The following FAM178B variants were observed in gnomAD, a reference collection of about 807,000 sequenced individuals.
The protein encoded by FAM178B is family with sequence similarity 178 member B.
FAM178B carries 82 observed loss-of-function variants against 91.7 expected under a neutral mutation model. The ratio of observed to expected loss-of-function variants is 0.89; its 90% confidence interval spans 0.75 to 1.07. The LOEUF (loss-of-function observed/expected upper bound fraction) is 1.07, where lower values mean the gene tolerates loss of function less well. Among genes scored for constraint, FAM178B ranks in the 50% least tolerant of loss-of-function variants. The pLI is 0.00. For synonymous variants in FAM178B, 368 were observed against 359.4 expected (o/e 1.02, Z -0.27); for missense variants, 769 against 846.7 (o/e 0.91, Z 1.14).
chr2:96,968,307 C>T (rs1037552820), intron 4 of FAM178B, among the ~76,000 whole-genome samples: 7 of 151,996 alleles, frequency 4.6e-5, no homozygotes, highest in East Asian at 3.9e-4. Context: ...AGCCCCTGCG[C>T]GCCTCACTTC....
chr2:96,883,551 C>T (rs2153367541), intron 14 of FAM178B, among the ~76,000 whole-genome samples: 1 of 152,356 alleles, frequency 6.6e-6, no homozygotes, highest in African/African-American at 2.4e-5. Flanking sequence ...GGAAGGCAGA[C>T]CTGTTTCTGG....
chr2:96,945,462 A>G (rs970592883), intron 8 of FAM178B, among the ~76,000 whole-genome samples: 1 of 152,176 alleles, frequency 6.6e-6, no homozygotes, highest in African/African-American at 2.4e-5. Flanking sequence ...TGGTCACCAC[A>G]AACTCCAGGA....
rs748074678 is a variant in FAM178B at position 96,878,044 on chromosome 2, T to A, written c.1855-2A>T. ...CATGCACAGCAGCTGCAGCTCGCCC[T>A]GTGGAGGCGGAGGGAGGCCAAGAAG... On this transcript the variant is annotated splice_acceptor_variant, in intron 15 of 16. Transcript: ENST00000490605. LOFTEE classifies it high-confidence loss of function. 1.2e-6 allele frequency: 2 copies of A among 1,607,840 alleles called. No individual in the cohort carries two copies. Among genetic ancestry groups the A allele is most frequent in the East Asian group, 4.5e-5 (2 of 44,888 alleles).
chr2:96,973,161 T>C (rs1263102060), intron 1 of FAM178B, among the ~76,000 whole-genome samples: 3 of 150,416 alleles, frequency 2.0e-5, no homozygotes, highest in African/African-American at 7.3e-5. Flanking sequence ...TGACCCAAGA[T>C]GGTGCCACTG....
intron 12 of FAM178B, among the ~76,000 whole-genome samples, chr2:96,906,451 C>T (rs1259103632): frequency 6.6e-6 from 1 of 152,168 alleles, no homozygotes; most frequent in Non-Finnish European, 1.5e-5. Context: ...CCATTCCCCT[C>T]CATGCCTGAC....
At chr2:96,949,791 C>T (rs2081893691) in intron 7 of FAM178B, among the ~76,000 whole-genome samples, 1 of 152,226 alleles carries the variant, frequency 6.6e-6, no homozygotes, top group African/African-American at 2.4e-5. Flanking sequence ...CAGCGTGCCT[C>T]ACAGAGGACA....
intron 12 of FAM178B, among the ~76,000 whole-genome samples, chr2:96,905,814 GTGTGTATATATATATATATATATA>G (rs1283749981): frequency 3.2e-4 from 11 of 34,466 alleles, no homozygotes; most frequent in African/African-American, 1.0e-3. Flanking sequence ...ATACATATAT[GTGTGTATATATATATATATATATA>G]TATATATATA....
chr2:96,881,635 C>T (rs1025228051), intron 14 of FAM178B, among the ~76,000 whole-genome samples: 12 of 151,386 alleles, frequency 7.9e-5, no homozygotes, highest in South Asian at 4.2e-4. Context: ...CCTGGAGGAA[C>T]ATCAGGGAGG....
At chr2:96,986,176 G>T (rs954406293) in intron 1 of FAM178B, 65 bp downstream of exon 1, 3 of 1,531,182 alleles carry the variant, frequency 2.0e-6, no homozygotes, top group Non-Finnish European at 2.6e-6. Context: ...GAGTCCCAGG[G>T]AAGTCGAGTG....
chr2:96,968,605 G>A (rs746620963), intron 4 of FAM178B, among the ~76,000 whole-genome samples: 1 of 151,946 alleles, frequency 6.6e-6, no homozygotes. Flanking sequence ...ATGTGACTGG[G>A]CCCCTCCAAT....
intron 8 of FAM178B, among the ~76,000 whole-genome samples, chr2:96,945,140 T>G (rs1559088398): frequency 1.3e-5 from 2 of 152,208 alleles, no homozygotes; most frequent in African/African-American, 2.4e-5. Flanking sequence ...GCTGAATAAA[T>G]GAATGCTCAC....
intron 12 of FAM178B, among the ~76,000 whole-genome samples, chr2:96,906,402 G>C (rs908662055): frequency 1.2e-4 from 19 of 152,020 alleles, no homozygotes; most frequent in African/African-American, 3.9e-4. Flanking sequence ...TATCCCATGT[G>C]ATATGTGCAT....
At chr2:96,963,968 C>G (rs531650457) in intron 5 of FAM178B, among the ~76,000 whole-genome samples, 170 of 152,196 alleles carry the variant, frequency 1.1e-3, no homozygotes, top group Non-Finnish European at 2.1e-3. Context: ...GCCCTGGTGG[C>G]CAGGTGTTCA....
intron 9 of FAM178B, among the ~76,000 whole-genome samples, chr2:96,924,047 C>T (rs1211013830): frequency 6.6e-6 from 1 of 152,220 alleles, no homozygotes; most frequent in Admixed American, 6.5e-5. Flanking sequence ...CACACAGGGC[C>T]GACCTGACTT....
At chr2:96,962,091 C>T (rs1215927260) in intron 5 of FAM178B, among the ~76,000 whole-genome samples, 5 of 152,050 alleles carry the variant, frequency 3.3e-5, no homozygotes, top group Admixed American at 6.6e-5. Context: ...CACCTGAGGT[C>T]GGGAGTTCAA....
intron 12 of FAM178B, among the ~76,000 whole-genome samples, chr2:96,911,622 C>G (rs1301176090): frequency 1.3e-5 from 2 of 152,216 alleles, no homozygotes. Context: ...CACTCCGGGA[C>G]AGCACAAGGT....
chr2:96,972,271 C>G lies in FAM178B; in HGVS notation c.194G>C (p.Gly65Ala), dbSNP rs375960131. Residue 65 changes from glycine to alanine, a missense_variant, in exon 3 of 17, where the codon GGC (glycine) becomes GCC (alanine). Gly to Ala is a moderately conservative substitution (Grantham distance 60, BLOSUM62 0). Coordinates refer to ENST00000490605, the MANE Select transcript of FAM178B (RefSeq NM_001122646.3). ...VPILLYNLED[G>A]LSDHPLDQGP... ...CTGGTCCAGGGGATGGTCTGACAAGCCATCCTCCAGGTTGTACAGGAGGAT... is the reference window on the plus strand; with the variant it reads ...CTGGTCCAGGGGATGGTCTGACAAGGCATCCTCCAGGTTGTACAGGAGGAT... 107 of 1,496,386 alleles carry G rather than the reference C, an allele frequency of 7.2e-5. 1 individual carries two copies. The East Asian group carries it at 1.7e-3, about 24-fold the overall frequency. The allele number at this position is 1,496,386 out of a possible 1,614,324, so 92.7% of individuals were successfully genotyped here.
At chr2:96,980,311 A>G (rs993887454) in intron 1 of FAM178B, among the ~76,000 whole-genome samples, 7 of 152,158 alleles carry the variant, frequency 4.6e-5, no homozygotes, top group African/African-American at 1.7e-4. Flanking sequence ...CCTGAGCTCA[A>G]GTGATCCTCC....
chr2:96,965,696 G>T (rs1201649302), intron 5 of FAM178B, among the ~76,000 whole-genome samples: 1 of 152,032 alleles, frequency 6.6e-6, no homozygotes, highest in African/African-American at 2.4e-5. Flanking sequence ...AAAACTCCTG[G>T]GCCCAAGCAA....
Sources: gnomAD v4.1 joint callset for allele counts (sites outside exome capture counted in the v4.1 genomes callset) on GRCh38, gnomAD v4.1.1 for gene constraint, MANE v1.5 for transcripts, NCBI Gene and HGNC (gene_info 2026-07-23, HGNC 2026-07-21) for gene names.